DHRS4L2: variants seen among roughly 807,000 people sequenced by gnomAD.
DHRS4L2 encodes the protein dehydrogenase/reductase 4 like 2, also known as dehydrogenase/reductase SDR family member 4-like 2.
A neutral mutation model predicts 23.9 loss-of-function variants in DHRS4L2; 22 were observed. That is an observed-to-expected ratio of 0.92 (90% CI 0.66 to 1.31). The LOEUF is 1.31. Among genes scored for constraint, DHRS4L2 ranks in the 40% most tolerant of loss-of-function variants. The pLI, the probability that DHRS4L2 is intolerant of heterozygous loss-of-function variation, is 0.00. For synonymous variants in DHRS4L2, 141 were observed against 123.7 expected, an observed-to-expected ratio of 1.14 and a Z score of -0.93; for missense variants, 385 against 303.3, an observed-to-expected ratio of 1.27 and a Z score of -2.00.
upstream of DHRS4L2, among the ~76,000 whole-genome samples, chr14:23,984,246 G>A (rs1357105368): frequency 6.6e-6 from 1 of 151,498 alleles, no homozygotes; most frequent in Non-Finnish European, 1.5e-5. Flanking sequence ...GAACCATAGG[G>A]AAGAGTTACC....
intron 1 of DHRS4L2, among the ~76,000 whole-genome samples, chr14:23,973,055 T>A (rs1209144153): frequency 6.6e-6 from 1 of 151,914 alleles, no homozygotes; most frequent in Admixed American, 6.5e-5. Context: ...CCGAGACATT[T>A]AGTTCCCATG....
At chr14:24,005,602 C>A (rs2034556631) in intron 7 of DHRS4L2, among the ~76,000 whole-genome samples, 1 of 152,078 alleles carries the variant, frequency 6.6e-6, no homozygotes, top group Admixed American at 6.5e-5. Context: ...ACCATTTTAT[C>A]TATATAACTT....
chr14:23,982,405 G>T, intron 1 of DHRS4L2, among the ~76,000 whole-genome samples: 1 of 151,618 alleles, frequency 6.6e-6, no homozygotes, highest in Non-Finnish European at 1.5e-5. Context: ...CAATTGTTCA[G>T]GGTACAGGTC....
upstream of DHRS4L2, chr14:23,987,243 G>A (rs1488246585): frequency 8.8e-6 from 3 of 341,998 alleles, no homozygotes; most frequent in African/African-American, 4.5e-5. Context: ...CCATTCCCCT[G>A]CCTCAGCCTC....
upstream of DHRS4L2, among the ~76,000 whole-genome samples, chr14:23,984,071 A>G (rs1308329040): frequency 6.6e-6 from 1 of 151,652 alleles, no homozygotes; most frequent in African/African-American, 2.4e-5. Flanking sequence ...AGAAATTAAA[A>G]AGAGTTGGAG....
Position 23,992,853 on chromosome 14 carries a change from T to C in DHRS4L2, c.307-2179T>C, listed in dbSNP as rs886315369. ...GGCATGCACCACCACACCAGTTCAT[T>C]TTTTAAATTTTTTGTAGAGTTGGGG... On this transcript the variant is annotated intron_variant, in intron 2 of 7. Coordinates refer to ENST00000335125, the MANE Select transcript of DHRS4L2 (RefSeq NM_198083.4). Among the ~76,000 whole-genome samples the C allele has an allele frequency of 4.1e-5, 6 of 146,160 alleles. No individual in the cohort carries two copies. In the East Asian group the frequency reaches 5.9e-4, roughly 14 times the overall value.
intron 1 of DHRS4L2, among the ~76,000 whole-genome samples, chr14:23,972,092 A>G (rs7148991): frequency 0.18 from 27,321 of 151,996 alleles, 3,243 homozygotes; most frequent in East Asian, 0.33. Flanking sequence ...CCCATCTCAC[A>G]TGCAAAGACA....
intron 6 of DHRS4L2, among the ~76,000 whole-genome samples, chr14:24,003,845 C>G (rs2034519137): frequency 1.6e-5 from 1 of 62,190 alleles, no homozygotes; most frequent in Non-Finnish European, 2.4e-5. Flanking sequence ...TATCCTGAGA[C>G]TTTGCTGAAG....
intron 2 of DHRS4L2, among the ~76,000 whole-genome samples, chr14:23,993,684 G>A (rs56404379): frequency 0.12 from 18,447 of 151,542 alleles, 1,466 homozygotes; most frequent in East Asian, 0.23. Context: ...GCCTTTCTTC[G>A]CTTTCTCAAT....
chr14:23,988,844 G>A (rs575382198), upstream of DHRS4L2: 13 of 1,462,382 alleles, frequency 8.9e-6, no homozygotes, highest in South Asian at 1.4e-5. Flanking sequence ...GCCGAGGGCG[G>A]GAAGGGGGCA....
Position 24,000,784 on chromosome 14 carries a change from C to T in DHRS4L2, c.409-79C>T. On this transcript the variant is annotated intron_variant, in intron 3 of 7. Transcript: ENST00000335125. ...CAGCTCTGACAAACATCCTAGGAAC[C>T]CACTCTAACTCCTCATTTTTTCATG... 4 of 1,247,336 alleles carry T rather than the reference C, an allele frequency of 3.2e-6. No homozygotes were observed. The South Asian group carries it at 4.2e-5, about 13-fold the overall frequency. The allele number at this position is 1,247,336 out of a possible 1,614,324, so 77.3% of individuals were successfully genotyped here.
intron 3 of DHRS4L2, among the ~76,000 whole-genome samples, chr14:23,999,186 A>C (rs571085552): frequency 1.3e-5 from 2 of 148,942 alleles, no homozygotes; most frequent in South Asian, 4.4e-4. Context: ...AAAACCATGA[A>C]AGATCACTCA....
At chr14:23,989,306 G>A (rs1057073448) in intron 1 of DHRS4L2, among the ~76,000 whole-genome samples, 13 of 151,644 alleles carry the variant, frequency 8.6e-5, no homozygotes, top group Non-Finnish European at 1.5e-4. Context: ...CCTCTGTGCA[G>A]CCCCATCGAT....
upstream of DHRS4L2, among the ~76,000 whole-genome samples, chr14:23,987,062 T>C (rs750551885): frequency 2.0e-5 from 3 of 151,680 alleles, 1 homozygote; most frequent in Admixed American, 1.3e-4. Flanking sequence ...AGGAAAACAC[T>C]AGAAATCCAG....
chr14:24,001,296 C>T, intron 5 of DHRS4L2, 88 bp from the exon 6 acceptor site: 2 of 1,570,530 alleles, frequency 1.3e-6, no homozygotes, highest in South Asian at 1.2e-5. Flanking sequence ...ACAGGAGATC[C>T]CTACTGAGCA....
upstream of DHRS4L2, among the ~76,000 whole-genome samples, chr14:23,985,241 C>G (rs1273093172): frequency 6.6e-6 from 1 of 151,766 alleles, no homozygotes. Context: ...TCACGACCCT[C>G]AGGCCTTTGG....
At chr14:23,990,581 G>A (rs994083019) in intron 2 of DHRS4L2, among the ~76,000 whole-genome samples, 9 of 151,292 alleles carry the variant, frequency 5.9e-5, no homozygotes, top group African/African-American at 2.2e-4. Context: ...GAAACAGCTG[G>A]TACTGGTTCT....
At chr14:23,977,524 G>A (rs1427895356) in intron 1 of DHRS4L2, among the ~76,000 whole-genome samples, 4 of 149,074 alleles carry the variant, frequency 2.7e-5, no homozygotes, top group Non-Finnish European at 4.4e-5. Flanking sequence ...TCACTTTACG[G>A]GGAAAAATTC....
At chr14:23,983,678 A>G (rs1192593821) in intron 1 of DHRS4L2, among the ~76,000 whole-genome samples, 1 of 151,784 alleles carries the variant, frequency 6.6e-6, no homozygotes, top group Non-Finnish European at 1.5e-5. Context: ...GGGCACATAT[A>G]CACCATGGAA....
Sources: allele counts gnomAD v4.1 joint callset (sites outside exome capture counted in the v4.1 genomes callset), GRCh38; gene constraint gnomAD v4.1.1; transcripts MANE v1.5; gene names NCBI Gene and HGNC (gene_info 2026-07-23, HGNC 2026-07-21).